The following CEP162 variants were observed in gnomAD, a reference collection of about 807,000 sequenced individuals.
CEP162 encodes centrosomal protein 162.
CEP162 carries 141 observed loss-of-function variants against 169.2 expected under a neutral mutation model. That is an observed-to-expected ratio of 0.83 (90% CI 0.73 to 0.96). The LOEUF (loss-of-function observed/expected upper bound fraction) is 0.96, where lower values mean the gene tolerates loss of function less well. Among genes scored for constraint, CEP162 ranks in the 40% least tolerant of loss-of-function variants. The pLI, the probability that CEP162 is intolerant of heterozygous loss-of-function variation, is 0.00. For synonymous variants in CEP162, 540 were observed against 526.4 expected (o/e 1.03, Z -0.35); for missense variants, 1,600 against 1,587.2 (o/e 1.01, Z -0.14).
At position 84,152,857 on chromosome 6, in the gene CEP162, T is replaced by C; in HGVS notation, c.3317A>G (p.Lys1106Arg). Residue 1106 changes from lysine to arginine, a missense_variant, in exon 23 of 27, where the codon AAA becomes AGA. Coordinates refer to ENST00000403245, the MANE Select transcript of CEP162 (RefSeq NM_014895.4). ...GTCTTTCTGAAGCCTCTCCACAGTT[T>C]TTGAGAGGTCTTGTATTTCTCTCTT... ...AKKREIQDLS[K>R]TVERLQKDRR... 1 of 1,613,722 alleles carries C rather than the reference T, an allele frequency of 6.2e-7. No individual in the cohort carries two copies.
At chr6:84,223,927 G>C (rs1465032426) in intron 2 of CEP162, among the ~76,000 whole-genome samples, 1 of 151,710 alleles carries the variant, frequency 6.6e-6, no homozygotes, top group Non-Finnish European at 1.5e-5. Context: ...AAAAGAAATT[G>C]GAACTCTGAT....
rs1375673941 is a variant in CEP162 at position 84,155,520 on chromosome 6, C to T, written c.2782-10G>A. 1 of 1,549,300 alleles carries T rather than the reference C, an allele frequency of 6.5e-7. No individual in the cohort carries two copies. The highest frequency in any genetic ancestry group is 1.7e-5 in the Admixed American group (1 of 57,526). ...CTTCCATTTCCTTAACCTATTAAAA[C>T]ATATTTTCCACCAAAGAACACTTAG... On this transcript the variant is annotated splice_polypyrimidine_tract_variant and intron_variant, in intron 21 of 26. Transcript: ENST00000403245.
In CEP162 at chr6:84,152,868, T is replaced by C; in HGVS notation, c.3306A>G (p.Gln1102=). The C allele has an allele frequency of 6.2e-7, 1 of 1,613,732 alleles. No individual in the cohort carries two copies. Among genetic ancestry groups the C allele is most frequent in the Non-Finnish European group, 8.5e-7 (1 of 1,179,800 alleles). The change falls in exon 23 of 27, where the codon CAA becomes CAG. Residue 1102 remains glutamine (Q), a synonymous_variant. Transcript: ENST00000403245. ...EELAAKKREI[Q]DLSKTVERLQ... ...GCCTCTCCACAGTTTTTGAGAGGTCTTGTATTTCTCTCTTTTTTGCAGCCA... is the reference window on the plus strand; with the variant it reads ...GCCTCTCCACAGTTTTTGAGAGGTCCTGTATTTCTCTCTTTTTTGCAGCCA...
At chr6:84,160,666 T>C in intron 21 of CEP162, 146 bp downstream of exon 21, 1 of 590,150 alleles carries the variant, frequency 1.7e-6, no homozygotes, top group South Asian at 2.2e-5. Context: ...GTATATAAAA[T>C]GATGTTATTA....
intron 20 of CEP162, 146 bp from the exon 21 acceptor site, chr6:84,161,062 C>T (rs943393513): frequency 1.6e-6 from 1 of 625,516 alleles, no homozygotes; most frequent in Non-Finnish European, 2.8e-6. Context: ...CTTTGAGCTC[C>T]TCCCAAGTTC....
At chr6:84,154,354 GTCTGTCTA>G (rs1349429327) in intron 22 of CEP162, among the ~76,000 whole-genome samples, 4 of 150,118 alleles carry the variant, frequency 2.7e-5, no homozygotes, top group Non-Finnish European at 5.9e-5. Flanking sequence ...CTGTCTGTCT[GTCTGTCTA>G]TCTATCTATC....
At chr6:84,223,161 C>T (rs533604027) in intron 2 of CEP162, among the ~76,000 whole-genome samples, 1 of 152,254 alleles carries the variant, frequency 6.6e-6, no homozygotes, top group South Asian at 2.1e-4. Context: ...ACAGTGCTTC[C>T]CAGCACTTTC....
chr6:84,157,579 G>A (rs1459535183), intron 21 of CEP162, among the ~76,000 whole-genome samples: 3 of 152,170 alleles, frequency 2.0e-5, no homozygotes, highest in African/African-American at 4.8e-5. Context: ...GGAGGCTGAG[G>A]TGGGAGAACT....
At chr6:84,191,373 C>T (rs1302150306) in intron 11 of CEP162, among the ~76,000 whole-genome samples, 1 of 152,134 alleles carries the variant, frequency 6.6e-6, no homozygotes, top group East Asian at 1.9e-4. Context: ...TAAGGTAGCC[C>T]CTTCTTAATA....
intron 13 of CEP162, among the ~76,000 whole-genome samples, chr6:84,178,835 G>C (rs2099533494): frequency 2.6e-5 from 4 of 151,926 alleles, no homozygotes; most frequent in Non-Finnish European, 5.9e-5. Flanking sequence ...GACAGGCCCT[G>C]GTATGTGCTG....
At chr6:84,221,966 TA>T (rs1427902680) in intron 2 of CEP162, among the ~76,000 whole-genome samples, 1 of 151,814 alleles carries the variant, frequency 6.6e-6, no homozygotes, top group Non-Finnish European at 1.5e-5. Context: ...CCTCTGATTA[TA>T]CACCTGCTCA....
Position 84,128,452 on chromosome 6 carries a change from G to T in CEP162, c.3871-1940C>A, listed in dbSNP as rs185634588. On this transcript the variant is annotated intron_variant, in intron 25 of 26. Transcript: ENST00000403245. The stretch of plus-strand genomic sequence containing the variant: ...CCTGCATGCCAACAATAGGGGATTT[G>T]TGAAATAAATTAGTAATGATTAATA... Among the ~76,000 whole-genome samples the T allele has an allele frequency of 1.7e-4, 26 of 152,222 alleles. No homozygotes were observed. The East Asian group carries it at 5.0e-3, about 29-fold the overall frequency.
intron 3 of CEP162, chr6:84,218,001 A>T (rs1166678453): frequency 6.6e-6 from 1 of 152,258 alleles, no homozygotes; most frequent in Non-Finnish European, 1.5e-5. Context: ...CAAAGAAAAC[A>T]GTAACCATTG....
chr6:84,221,019 G>T, intron 3 of CEP162, 38 bp downstream of exon 3: 1 of 1,096,756 alleles, frequency 9.1e-7, no homozygotes, highest in Non-Finnish European at 1.4e-6. Flanking sequence ...GACCCCTTGT[G>T]GTCAAATAAT....
intron 24 of CEP162, 57 bp downstream of exon 24, chr6:84,149,505 C>A: frequency 1.5e-6 from 2 of 1,353,224 alleles, no homozygotes; most frequent in Non-Finnish European, 2.0e-6. Context: ...ACTTTAATCT[C>A]ATTAAAGTCA....
chr6:84,138,985 C>T (rs1035934331), intron 25 of CEP162, among the ~76,000 whole-genome samples: 3 of 152,158 alleles, frequency 2.0e-5, no homozygotes, highest in Non-Finnish European at 4.4e-5. Flanking sequence ...ACAATTGGCT[C>T]TATATTTTGC....
Position 84,174,853 on chromosome 6 carries a change from A to AG in CEP162, c.1898_1899insC (p.Glu634Ter). The AG allele has an allele frequency of 1.3e-6, 2 of 1,526,802 alleles. No homozygotes were observed. The highest frequency in any genetic ancestry group is 1.8e-6 in the Non-Finnish European group (2 of 1,120,592). The allele number at this position is 1,526,802 out of a possible 1,614,324, so 94.6% of individuals were successfully genotyped here. ...CTGAGAATGTGGCTTTAATTTGCTCAATTAGGGCTTGCGCACCCCTCCATT... is the reference window on the plus strand; with the variant it reads ...CTGAGAATGTGGCTTTAATTTGCTCAGATTAGGGCTTGCGCACCCCTCCATT... On this transcript the variant is annotated frameshift_variant, in exon 15 of 27. Coordinates refer to ENST00000403245, the MANE Select transcript of CEP162 (RefSeq NM_014895.4). LOFTEE classifies it high-confidence loss of function.
At chr6:84,125,439 A>AT (rs984569898) in intron 26 of CEP162, among the ~76,000 whole-genome samples, 163 bp from the exon 27 acceptor site, 1 of 152,130 alleles carries the variant, frequency 6.6e-6, no homozygotes, top group Admixed American at 6.6e-5. Flanking sequence ...GAGTATATAC[A>AT]TCCCAACTGT....
chr6:84,193,400 C>T (rs975397152), intron 11 of CEP162, among the ~76,000 whole-genome samples: 2 of 152,108 alleles, frequency 1.3e-5, no homozygotes, highest in Admixed American at 1.3e-4. Flanking sequence ...TATTTAGTGG[C>T]CCCAGTTTTT....
Sources: allele counts gnomAD v4.1 joint callset (sites outside exome capture counted in the v4.1 genomes callset), GRCh38; gene constraint gnomAD v4.1.1; transcripts MANE v1.5; gene names NCBI Gene and HGNC (gene_info 2026-07-23, HGNC 2026-07-21).